The following FLVCR1 variants were observed in gnomAD, a reference collection of about 807,000 sequenced individuals.
FLVCR1 encodes FLVCR choline and heme transporter 1, also known as choline/ethanolamine transporter FLVCR1.
In FLVCR1, 34 loss-of-function variants were observed where a neutral mutation model predicts 53.6. That is an observed-to-expected ratio of 0.63 (90% CI 0.48 to 0.84). The LOEUF is 0.84. FLVCR1 is among the 40% of genes least tolerant of loss of function. FLVCR1 has a pLI of 0.00. For missense variants in FLVCR1, 677 were observed against 696.7 expected, an observed-to-expected ratio of 0.97 and a Z score of 0.32; for synonymous variants, 300 against 286.3, an observed-to-expected ratio of 1.05 and a Z score of -0.48.
rs1462568868 is a variant in FLVCR1, at chr1:212,898,585, T to C, written c.*3295T>C. 6.6e-6 allele frequency: 1 copy of C among 152,236 alleles called. No homozygotes were observed. Among genetic ancestry groups the C allele is most frequent in the African/African-American group, 2.4e-5 (1 of 41,460 alleles). 9.4% of individuals were successfully genotyped at this position (152,236 alleles called of 1,614,324 possible). A position where few individuals can be genotyped will look rare whatever the true frequency, so the allele number is the denominator to read the frequency against. ...CTTGTTGATTAGAAAGGTGATGGAATATGTGACAATGCAAAATGAATTGAT... is the reference window on the plus strand; with the variant it reads ...CTTGTTGATTAGAAAGGTGATGGAACATGTGACAATGCAAAATGAATTGAT... On this transcript the variant is annotated 3_prime_UTR_variant, in exon 10 of 10. Transcript: ENST00000366971.
At chr1:212,888,675 TTTG>T (rs41300975) in intron 7 of FLVCR1, 81 bp downstream of exon 7, 12 of 877,840 alleles carry the variant, frequency 1.4e-5, no homozygotes, top group East Asian at 8.3e-5. Flanking sequence ...CATGGTTTTA[TTTG>T]TTGTTGTTGT....
intron 1 of FLVCR1, among the ~76,000 whole-genome samples, chr1:212,860,067 G>A (rs990767031): frequency 6.6e-6 from 1 of 152,256 alleles, no homozygotes; most frequent in East Asian, 1.9e-4. Context: ...CGGATCACTT[G>A]AGGCCAGGAG....
In FLVCR1 at chr1:212,858,345, G is replaced by T; in HGVS notation, c.-108G>T. The T allele has an allele frequency of 9.2e-7, 1 of 1,088,596 alleles. No homozygotes were observed. Among genetic ancestry groups the T allele is most frequent in the Non-Finnish European group, 1.3e-6 (1 of 797,286 alleles). The allele number at this position is 1,088,596 out of a possible 1,614,324, so 67.4% of individuals were successfully genotyped here. On this transcript the variant is annotated 5_prime_UTR_variant, in exon 1 of 10. Coordinates refer to ENST00000366971, the MANE Select transcript of FLVCR1 (RefSeq NM_014053.4). Reference sequence around the variant, plus strand: ...GCGCGCCACCGGGGAAGGAGCGGTGGGCCGAGGGGTTGGAGGTGGGGCCCC... The same window carrying T: ...GCGCGCCACCGGGGAAGGAGCGGTGTGCCGAGGGGTTGGAGGTGGGGCCCC...
At position 212,883,556 on chromosome 1, in the gene FLVCR1, A is replaced by T. The variant is rs557486010; in HGVS notation, c.1092+118A>T. Reference sequence around the variant, plus strand: ...ATGACATTGTTGCTATCAAATATTTACATTTGTTTTAATTGAGAATATATT... The same window carrying T: ...ATGACATTGTTGCTATCAAATATTTTCATTTGTTTTAATTGAGAATATATT... On this transcript the variant is annotated intron_variant, in intron 4 of 9. Coordinates refer to ENST00000366971, the MANE Select transcript of FLVCR1 (RefSeq NM_014053.4). 412 of 655,634 alleles carry T rather than the reference A, an allele frequency of 6.3e-4. 4 individuals are homozygous for T. The African/African-American group carries it at 6.9e-3, about 11-fold the overall frequency. 40.6% of individuals were successfully genotyped at this position (655,634 alleles called of 1,614,324 possible). A position where few individuals can be genotyped will look rare whatever the true frequency, so the allele number is the denominator to read the frequency against.
chr1:212,895,647 T>C lies in FLVCR1; in HGVS notation c.*357T>C, dbSNP rs1240117703. On this transcript the variant is annotated 3_prime_UTR_variant, in exon 10 of 10. Transcript: ENST00000366971. ...CTTAGAATACTTTTTAAAGTGATAA[T>C]ATGGGGTGTTCAGTCCCCATAAGAT... The C allele has an allele frequency of 3.0e-6, 1 of 329,450 alleles. No individual in the cohort carries two copies. Among genetic ancestry groups the C allele is most frequent in the African/African-American group, 2.1e-5 (1 of 46,518 alleles). The allele number at this position is 329,450 out of a possible 1,614,324, so 20.4% of individuals were successfully genotyped here.
intron 2 of FLVCR1, chr1:212,864,354 C>G: frequency 5.4e-6 from 1 of 183,518 alleles, no homozygotes; most frequent in South Asian, 1.1e-4. Flanking sequence ...GCAAGCTGTT[C>G]AGCAGAATTT....
chr1:212,860,370 T>TTTTTTTTTTTTTTTTTTTTTTA (rs1664192761), intron 1 of FLVCR1, among the ~76,000 whole-genome samples: 1 of 142,650 alleles, frequency 7.0e-6, no homozygotes, highest in Non-Finnish European at 1.5e-5. Flanking sequence ...TTTTTTTTTG[T>TTTTTTTTTTTTTTTTTTTTTTA]AGAAATGGGG....
chr1:212,888,112 A>G, intron 6 of FLVCR1, 111 bp downstream of exon 6: 1 of 712,706 alleles, frequency 1.4e-6, no homozygotes, highest in Admixed American at 2.4e-5. Flanking sequence ...TCAATATTTT[A>G]AACTTTAAAG....
intron 3 of FLVCR1, among the ~76,000 whole-genome samples, chr1:212,875,290 CAAGAT>C (rs1461710246): frequency 6.6e-6 from 1 of 152,154 alleles, no homozygotes; most frequent in African/African-American, 2.4e-5. Context: ...GATAACAACA[CAAGAT>C]GAGTTGTATG....
In FLVCR1 at chr1:212,859,084, C is replaced by T; in HGVS notation, c.632C>T (p.Ser211Leu). ...WVTMLGQCLCSVAQVFILGLP... is the reference protein window; with the variant it reads ...WVTMLGQCLCLVAQVFILGLP... ...ACCATGTTGGGCCAGTGCTTGTGCT[C>T]GGTGGCCCAGGTGTTCATCCTGGGC... Residue 211 changes from serine (S) to leucine (L), a missense_variant, in exon 1 of 10, where the codon TCG becomes TTG. Transcript: ENST00000366971. The T allele has an allele frequency of 1.2e-6, 2 of 1,613,546 alleles. No individual in the cohort carries two copies. Among genetic ancestry groups the T allele is most frequent in the Non-Finnish European group, 1.7e-6 (2 of 1,179,790 alleles).
chr1:212,880,145 C>A (rs965159413), intron 3 of FLVCR1, among the ~76,000 whole-genome samples: 2 of 152,132 alleles, frequency 1.3e-5, no homozygotes, highest in Admixed American at 1.3e-4. Context: ...GCGTGGTCCA[C>A]GTGCATTCTT....
intron 1 of FLVCR1, 82 bp from the exon 2 acceptor site, chr1:212,863,643 T>G: frequency 1.7e-6 from 2 of 1,198,292 alleles, no homozygotes; most frequent in Non-Finnish European, 2.5e-6. Flanking sequence ...ACACTAGCTG[T>G]CCTCTTTATG....
intron 3 of FLVCR1, among the ~76,000 whole-genome samples, chr1:212,873,686 C>A (rs1572016413): frequency 6.6e-6 from 1 of 152,218 alleles, no homozygotes; most frequent in Non-Finnish European, 1.5e-5. Context: ...CTTGTGTTAA[C>A]ACCATTTACA....
rs185115842 is a variant in FLVCR1, at chr1:212,895,859, C to G, written c.*569C>G. 7.1e-5 allele frequency: 11 copies of G among 155,790 alleles called. No homozygotes were observed. Among genetic ancestry groups the G allele is most frequent in the Non-Finnish European group, 7.1e-5 (5 of 70,228 alleles). The allele number at this position is 155,790 out of a possible 1,614,324, so 9.7% of individuals were successfully genotyped here. A position where few individuals can be genotyped will look rare whatever the true frequency, so the allele number is the denominator to read the frequency against. The stretch of plus-strand genomic sequence containing the variant: ...TTGGGATCAGGCTTTCAGATGACCT[C>G]TAAGATTTTTCCCATTTATTGTACT... On this transcript the variant is annotated 3_prime_UTR_variant, in exon 10 of 10. Transcript: ENST00000366971.
At chr1:212,875,624 C>G (rs1221213662) in intron 3 of FLVCR1, among the ~76,000 whole-genome samples, 2 of 152,082 alleles carry the variant, frequency 1.3e-5, no homozygotes, top group African/African-American at 2.4e-5. Flanking sequence ...GGGTGGATCA[C>G]TTGAGGCCAG....
At chr1:212,861,057 A>T (rs1253518919) in intron 1 of FLVCR1, among the ~76,000 whole-genome samples, 1 of 151,770 alleles carries the variant, frequency 6.6e-6, no homozygotes, top group African/African-American at 2.4e-5. Flanking sequence ...GCACATCCTT[A>T]CCCCCTGCAG....
At chr1:212,885,453 G>A in intron 5 of FLVCR1, 57 bp downstream of exon 5, 1 of 1,349,854 alleles carries the variant, frequency 7.4e-7, no homozygotes, top group Non-Finnish European at 1.1e-6. Flanking sequence ...GATTTTAAAG[G>A]ACAATTTGCT....
At chr1:212,865,115 TAAAAA>T (rs1328448340) in intron 2 of FLVCR1, among the ~76,000 whole-genome samples, 2 of 143,804 alleles carry the variant, frequency 1.4e-5, no homozygotes, top group African/African-American at 5.0e-5. Flanking sequence ...TTTGTATTCT[TAAAAA>T]AAAAACACCA....
intron 3 of FLVCR1, among the ~76,000 whole-genome samples, chr1:212,882,733 A>G (rs1315196020): frequency 6.6e-6 from 1 of 152,144 alleles, no homozygotes; most frequent in African/African-American, 2.4e-5. Context: ...TCAGGATTCA[A>G]ACCTATCCTG....
Sources: allele counts gnomAD v4.1 joint callset (sites outside exome capture counted in the v4.1 genomes callset), GRCh38; gene constraint gnomAD v4.1.1; transcripts MANE v1.5; gene names NCBI Gene and HGNC (gene_info 2026-07-23, HGNC 2026-07-21).